Variants in TTN observed in about 807,000 individuals in gnomAD.
The protein encoded by TTN is titin, also known as connectin.
In TTN, 1,525 loss-of-function variants were observed where a neutral mutation model predicts 3,223.0. That is an observed-to-expected ratio of 0.47 (90% confidence interval 0.45 to 0.49). The LOEUF (loss-of-function observed/expected upper bound fraction) is 0.49, where lower values mean the gene tolerates loss of function less well. Ranked by LOEUF, TTN falls within the 20% of genes least tolerant of loss-of-function variation. The probability of loss-of-function intolerance (pLI) is 0.00; values close to 1 mark genes in which losing one functional copy is unlikely to be tolerated. For synonymous variants in TTN, 14,094 were observed against 15,161.0 expected (o/e 0.93, Z 5.17); for missense variants, 40,786 against 43,424.0 (o/e 0.94, Z 5.40).
Position 178,647,061 on chromosome 2 carries a change from TAC to T in TTN, c.40222+1_40222+2del. 9.1e-7 allele frequency: 1 copy of T among 1,101,820 alleles called. No homozygotes were observed. Among genetic ancestry groups the T allele is most frequent in the Non-Finnish European group, 1.2e-6 (1 of 827,876 alleles). 68.3% of individuals were successfully genotyped at this position (1,101,820 alleles called of 1,614,324 possible). A position where few individuals can be genotyped will look rare whatever the true frequency, so the allele number is the denominator to read the frequency against. ...AAATGTATATATATATATATATATATACCTTCAACAGGGGGAGTCTCTTTTCT... is the reference window on the plus strand; with the variant it reads ...AAATGTATATATATATATATATATATCTTCAACAGGGGGAGTCTCTTTTCT... On this transcript the variant is annotated splice_donor_variant, in intron 215 of 362. Transcript: ENST00000589042. LOFTEE classifies it high-confidence loss of function.
rs747597676 is a variant in TTN at position 178,545,790 on chromosome 2, G to A, written c.95416+30C>T. 1.9e-5 allele frequency: 31 copies of A among 1,603,902 alleles called. No homozygotes were observed. The African/African-American group carries it at 2.9e-4, about 15-fold the overall frequency. On this transcript the variant is annotated intron_variant, in intron 343 of 362. Coordinates refer to ENST00000589042, the MANE Select transcript of TTN (RefSeq NM_001267550.2). ...CCCCTGATTCTATTACATTTCAACT[G>A]TCAAATTATTTAAAAGTGTTAATAC...
chr2:178,707,972 T>C (rs1203562240), intron 99 of TTN, among the ~76,000 whole-genome samples, 159 bp from the exon 100 acceptor site: 3 of 152,062 alleles, frequency 2.0e-5, no homozygotes, highest in East Asian at 1.9e-4. Flanking sequence ...CTAAAGACAA[T>C]AGTTTAAATT....
intron 47 of TTN, chr2:178,746,926 A>G: frequency 6.2e-7 from 1 of 1,613,548 alleles, no homozygotes; most frequent in South Asian, 1.1e-5. Context: ...ATATTTCATA[A>G]GCTGAACCCC....
chr2:178,746,617 TATG>T, intron 47 of TTN: 1 of 1,613,336 alleles, frequency 6.2e-7, no homozygotes, highest in Non-Finnish European at 8.5e-7. Context: ...TTGCTTCCCC[TATG>T]ATGTTTACAG....
chr2:178,648,498 C>T (rs1250745209), intron 213 of TTN, among the ~76,000 whole-genome samples: 1 of 152,070 alleles, frequency 6.6e-6, no homozygotes, highest in African/African-American at 2.4e-5. Flanking sequence ...CAACCTCTGC[C>T]TCCTGGGTTC....
chr2:178,675,544 G>T, intron 149 of TTN, 127 bp downstream of exon 149: 1 of 734,618 alleles, frequency 1.4e-6, no homozygotes, highest in Non-Finnish European at 1.9e-6. Flanking sequence ...GGGTGCAAAA[G>T]AGTCAGAAAT....
In TTN at chr2:178,538,650, A is replaced by T; in HGVS notation, c.99179T>A (p.Ile33060Lys). Residue 33060 changes from isoleucine (I) to lysine (K), a missense_variant, in exon 354 of 363, where the codon ATA becomes AAA. By Grantham distance (102) the Ile-to-Lys change is moderately radical. Transcript: ENST00000589042. ...KERIKDKQFT[I>K]GGLLEATEYE... Reference sequence around the variant, plus strand: ...CTCAGTAGCTTCCAGCAAACCTCCTATTGTGAATTGCTTGTCCTTAATACG... The same window carrying T: ...CTCAGTAGCTTCCAGCAAACCTCCTTTTGTGAATTGCTTGTCCTTAATACG... 1 of 1,613,660 alleles carries T rather than the reference A, an allele frequency of 6.2e-7. No homozygotes were observed. The highest frequency in any genetic ancestry group is 8.5e-7 in the Non-Finnish European group (1 of 1,179,726).
intron 44 of TTN, chr2:178,758,732 T>C (rs1332717734): frequency 2.1e-5 from 11 of 518,398 alleles, no homozygotes; most frequent in African/African-American, 1.9e-4. Flanking sequence ...TGACAGCTGG[T>C]GACAGCAGCA....
Position 178,792,192 on chromosome 2 carries a change from T to C in TTN, c.1542A>G (p.Arg514=). The C allele has an allele frequency of 6.2e-7, 1 of 1,606,502 alleles. No individual in the cohort carries two copies. The highest frequency in any genetic ancestry group is 8.5e-7 in the Non-Finnish European group (1 of 1,178,266). Residue 514 remains arginine, a synonymous_variant, in exon 10 of 363, where the codon AGA becomes AGG. Transcript: ENST00000589042. ...EQMHVTHEQI[R]KETEKTFVPK... ...GTACAAATGTTTTTTCAGTTTCTTT[T>C]CTTATCTGCAAAGAATGATTTAAGA...
intron 37 of TTN, 119 bp from the exon 38 acceptor site, chr2:178,769,052 T>C: frequency 1.7e-6 from 2 of 1,145,192 alleles, no homozygotes; most frequent in East Asian, 2.5e-5. Context: ...GAGATTACAG[T>C]TTAGAGATAT....
At position 178,588,920 on chromosome 2, in the gene TTN, A is replaced by G. The variant is rs2049640238; in HGVS notation, c.62805T>C (p.Ile20935=). 1.2e-6 allele frequency: 2 copies of G among 1,612,878 alleles called. No homozygotes were observed. Among genetic ancestry groups the G allele is most frequent in the South Asian group, 2.2e-5 (2 of 91,052 alleles). Residue 20935 remains isoleucine (I), a synonymous_variant, in exon 304 of 363, where the codon ATT becomes ATC. Coordinates refer to ENST00000589042, the MANE Select transcript of TTN (RefSeq NM_001267550.2). ...TTTTATTTTCTGCACGGACTCTGAA[A>G]ATATATTCATTTCCTTCTATGAGAC... ...VTRLIEGNEY[I]FRVRAENKIG...
chr2:178,747,434 G>A (rs766389691), intron 47 of TTN: 1 of 1,613,344 alleles, frequency 6.2e-7, no homozygotes, highest in Non-Finnish European at 8.5e-7. Flanking sequence ...TGATGGTGGG[G>A]TATAAAACTG....
In TTN at chr2:178,567,053, C is replaced by T. The variant is rs761481924; in HGVS notation, c.79079G>A (p.Arg26360His). Residue 26360 changes from arginine (R) to histidine (H), a missense_variant, in exon 326 of 363, where the codon CGT (arginine) becomes CAT (histidine). Arg to His is a conservative substitution (Grantham distance 29). Transcript: ENST00000589042. ...KLLEGNEYVFRIMAVNKYGVG... is the reference protein window; with the variant it reads ...KLLEGNEYVFHIMAVNKYGVG... The stretch of plus-strand genomic sequence containing the variant: ...ACCATATTTGTTGACAGCCATTATA[C>T]GGAAAACATATTCATTACCTTCTAA... 64 of 1,613,402 alleles carry T rather than the reference C, an allele frequency of 4.0e-5. No homozygotes were observed. The highest frequency in any genetic ancestry group is 6.6e-5 in the South Asian group (6 of 91,080).
chr2:178,740,124 T>C lies in TTN; in HGVS notation c.13109A>G (p.Gln4370Arg). The change falls in exon 48 of 363, where the codon CAG (glutamine) becomes CGG (arginine). Residue 4370 changes from glutamine to arginine, a missense_variant. By Grantham distance (43) the Gln-to-Arg change is conservative. Coordinates refer to ENST00000589042, the MANE Select transcript of TTN (RefSeq NM_001267550.2). ...KREPVAIKKVQEVQGRDLLSK... is the reference protein window; with the variant it reads ...KREPVAIKKVREVQGRDLLSK... ...AAGAAGGTCCCTTCCCTGTACCTCC[T>C]GCACTTTCTTTATTGCCACGGGCTC... 6.2e-7 allele frequency: 1 copy of C among 1,613,876 alleles called. No individual in the cohort carries two copies.
rs2058858588 is a variant in TTN at position 178,625,252 on chromosome 2, TA to T, written c.44548+20del. ...TGAGCCTCTGCCTTATACATGTTTT[TA>T]AAATAAGCCTTGTAATTACCTTTCA... On this transcript the variant is annotated intron_variant, in intron 241 of 362. Transcript: ENST00000589042. 6.2e-7 allele frequency: 1 copy of T among 1,601,838 alleles called. No individual in the cohort carries two copies. The highest frequency in any genetic ancestry group is 1.3e-5 in the African/African-American group (1 of 74,088).
In TTN at chr2:178,740,162, A is replaced by C. The variant is rs1553938053; in HGVS notation, c.13071T>G (p.Ile4357Met). The C allele has an allele frequency of 6.2e-7, 1 of 1,613,638 alleles. No individual in the cohort carries two copies. Among genetic ancestry groups the C allele is most frequent in the South Asian group, 1.1e-5 (1 of 91,044 alleles). Reference protein sequence around the residue: ...DNVVMPPDQIIESKREPVAIK... With the variant: ...DNVVMPPDQIMESKREPVAIK... ...TTGCCACGGGCTCTCTTTTAGACTC[A>C]ATGATTTGGTCTGGGGGCATCACCA... is the stretch of plus-strand genomic sequence containing the variant. Residue 4357 changes from isoleucine to methionine, a missense_variant, in exon 48 of 363, where the codon ATT becomes ATG. Transcript: ENST00000589042.
At chr2:178,793,630 C>T (rs1437423953) in intron 8 of TTN, 89 bp from the exon 9 acceptor site, 4 of 1,580,908 alleles carry the variant, frequency 2.5e-6, no homozygotes, top group African/African-American at 1.3e-5. Context: ...TGGTGAAATC[C>T]TCTACTAAAA....
chr2:178,556,747 G>A (rs138068466), intron 330 of TTN, 101 bp downstream of exon 330: 3 of 1,378,874 alleles, frequency 2.2e-6, no homozygotes, highest in East Asian at 2.4e-5. Flanking sequence ...CCCCATTAAG[G>A]CACAGAGTAA....
rs1419885020 is a variant in TTN at position 178,679,421 on chromosome 2, A to G, written c.33665-5T>C. 1 of 1,612,000 alleles carries G rather than the reference A, an allele frequency of 6.2e-7. No individual in the cohort carries two copies. Among genetic ancestry groups the G allele is most frequent in the Non-Finnish European group, 8.5e-7 (1 of 1,178,930 alleles). On this transcript the variant is annotated splice_region_variant and splice_polypyrimidine_tract_variant and intron_variant, in intron 141 of 362. Coordinates refer to ENST00000589042, the MANE Select transcript of TTN (RefSeq NM_001267550.2). Reference sequence around the variant, plus strand: ...GCTTCTTAGGAACCTCAGGCACTTTAAAGATATTGTTTATTGTTAAGTTCT... The same window carrying G: ...GCTTCTTAGGAACCTCAGGCACTTTGAAGATATTGTTTATTGTTAAGTTCT...
Sources: allele counts gnomAD v4.1 joint callset (sites outside exome capture counted in the v4.1 genomes callset), GRCh38; gene constraint gnomAD v4.1.1; transcripts MANE v1.5; gene names NCBI Gene and HGNC (gene_info 2026-07-23, HGNC 2026-07-21).